Variants in RAMP1 observed in about 807,000 individuals in gnomAD.
The protein encoded by RAMP1 is receptor activity modifying protein 1.
RAMP1 carries 7 observed loss-of-function variants against 8.2 expected under a neutral mutation model. That is an observed-to-expected ratio of 0.85 (90% CI 0.49 to 1.60). The LOEUF (loss-of-function observed/expected upper bound fraction) is 1.60, where lower values mean the gene tolerates loss of function less well. Ranked by LOEUF, RAMP1 falls within the 40% of genes most tolerant of loss-of-function variation. The pLI, the probability that RAMP1 is intolerant of heterozygous loss-of-function variation, is 0.00. For missense variants in RAMP1, 192 were observed against 202.4 expected (o/e 0.95, Z 0.31); for synonymous variants, 92 against 84.7 (o/e 1.09, Z -0.47).
At chr2:237,892,784 C>T (rs2062499834) in intron 2 of RAMP1, among the ~76,000 whole-genome samples, 1 of 151,862 alleles carries the variant, frequency 6.6e-6, no homozygotes, top group East Asian at 1.9e-4. Context: ...CCCTCCCCCA[C>T]TTCTTCCTTC....
chr2:237,892,510 T>C (rs969050528), intron 2 of RAMP1, among the ~76,000 whole-genome samples: 1 of 152,198 alleles, frequency 6.6e-6, no homozygotes, highest in African/African-American at 2.4e-5. Flanking sequence ...TCCTCCCATG[T>C]TGGCCTCTCA....
chr2:237,898,462 C>T (rs1037646132), intron 2 of RAMP1, among the ~76,000 whole-genome samples: 1 of 152,168 alleles, frequency 6.6e-6, no homozygotes, highest in Admixed American at 6.5e-5. Flanking sequence ...GCTGCCAGTC[C>T]CAGGGGGATG....
At chr2:237,883,555 C>G (rs2062394007) in intron 2 of RAMP1, among the ~76,000 whole-genome samples, 1 of 152,164 alleles carries the variant, frequency 6.6e-6, no homozygotes, top group African/African-American at 2.4e-5. Context: ...GTGGCTTTCG[C>G]CTGTAATCCC....
At chr2:237,890,454 G>A (rs302677) in intron 2 of RAMP1, among the ~76,000 whole-genome samples, 20,697 of 151,784 alleles carry the variant, frequency 0.14, 1,512 homozygotes, top group Middle Eastern at 0.27. Flanking sequence ...CACCCGCCTC[G>A]GCCTCCCAAA....
chr2:237,910,360 A>G (rs1358264264), intron 2 of RAMP1, among the ~76,000 whole-genome samples: 2 of 150,110 alleles, frequency 1.3e-5, no homozygotes, highest in Non-Finnish European at 3.0e-5. Flanking sequence ...CACACACACA[A>G]TCACACACAG....
At chr2:237,873,992 G>A (rs1576537705) in intron 1 of RAMP1, among the ~76,000 whole-genome samples, 2 of 152,232 alleles carry the variant, frequency 1.3e-5, no homozygotes, top group African/African-American at 4.8e-5. Context: ...TCCCTAAGGA[G>A]CAAGGGACAA....
At position 237,878,417 on chromosome 2, in the gene RAMP1, T is replaced by G. The variant is rs79024167; in HGVS notation, c.191+1055T>G. ...CCAGACACACCCGGGCACAATTCTG[T>G]GGGGTTGAAGACCCCTAGTTGGACT... On this transcript the variant is annotated intron_variant, in intron 2 of 2. Coordinates refer to ENST00000254661, the MANE Select transcript of RAMP1 (RefSeq NM_005855.4). This position sits in a 1 kb window ranked among gnomAD's most constrained non-coding sequence, Gnocchi z 5.7. Among the ~76,000 whole-genome samples the G allele has an allele frequency of 1.5e-3, 228 of 152,350 alleles. No individual in the cohort carries two copies. The East Asian group carries it at 0.018, about 12-fold the overall frequency.
In RAMP1 at chr2:237,895,614, C is replaced by T. The variant is rs555893767; in HGVS notation, c.192-15914C>T. Among the ~76,000 whole-genome samples the T allele has an allele frequency of 1.6e-4, 24 of 152,192 alleles. 1 individual carries two copies. The East Asian group carries it at 3.1e-3, about 20-fold the overall frequency. On this transcript the variant is annotated intron_variant, in intron 2 of 2. Coordinates refer to ENST00000254661, the MANE Select transcript of RAMP1 (RefSeq NM_005855.4). ...GGGACCAGCATGGTGCAGGGCGCCC[C>T]GTGGGTGGGCAGGATGGGTCGCTGA... is the stretch of plus-strand genomic sequence containing the variant.
chr2:237,910,506 CACAATT>C lies in RAMP1; in HGVS notation c.192-1018_192-1013del, dbSNP rs1439995233. ...CCACACACAGTCACACACAGAATAA[CACAATT>C]ACATATACATAGTCACACACACAGT... On this transcript the variant is annotated intron_variant, in intron 2 of 2. Coordinates refer to ENST00000254661, the MANE Select transcript of RAMP1 (RefSeq NM_005855.4). Among the ~76,000 whole-genome samples the C allele has an allele frequency of 8.6e-5, 13 of 151,686 alleles. No individual in the cohort carries two copies. In the East Asian group the frequency reaches 2.5e-3, roughly 30 times the overall value.
At chr2:237,908,393 C>T (rs2062673910) in intron 2 of RAMP1, among the ~76,000 whole-genome samples, 1 of 99,520 alleles carries the variant, frequency 1.0e-5, no homozygotes, top group Non-Finnish European at 2.3e-5. Context: ...TGTCCCTTCC[C>T]CAGTGAGAAG....
At chr2:237,871,472 G>A (rs2062244448) in intron 1 of RAMP1, among the ~76,000 whole-genome samples, 1 of 152,184 alleles carries the variant, frequency 6.6e-6, no homozygotes, top group African/African-American at 2.4e-5. Context: ...CGGGGACAGA[G>A]GCCTCGCAAC....
chr2:237,902,578 C>T (rs567007683), intron 2 of RAMP1, among the ~76,000 whole-genome samples: 8 of 152,216 alleles, frequency 5.3e-5, no homozygotes, highest in South Asian at 4.1e-4. Flanking sequence ...AGTTGGGTCC[C>T]GCGGGGCCCC....
At chr2:237,872,525 GA>G (rs1461895816) in intron 1 of RAMP1, among the ~76,000 whole-genome samples, 8 of 152,200 alleles carry the variant, frequency 5.3e-5, no homozygotes, top group African/African-American at 1.9e-4. Flanking sequence ...AGCCTCCACA[GA>G]CATGGGTCAC....
At chr2:237,873,717 G>A in intron 1 of RAMP1, among the ~76,000 whole-genome samples, 1 of 152,222 alleles carries the variant, frequency 6.6e-6, no homozygotes. Context: ...ACAGAGGAAT[G>A]GAACCCATTT....
chr2:237,902,927 T>C (rs1227018038), intron 2 of RAMP1, among the ~76,000 whole-genome samples: 6 of 152,248 alleles, frequency 3.9e-5, no homozygotes, highest in African/African-American at 1.4e-4. Context: ...ATCACTCCTG[T>C]GACATTCTGC....
intron 1 of RAMP1, chr2:237,874,726 G>A: frequency 1.0e-6 from 1 of 977,934 alleles, no homozygotes; most frequent in Non-Finnish European, 1.2e-6. Context: ...CTTATTTGCT[G>A]GCTCATTTGA....
chr2:237,895,583 C>T (rs6740741), intron 2 of RAMP1, among the ~76,000 whole-genome samples: 68,396 of 151,978 alleles, frequency 0.45, 15,816 homozygotes, highest in East Asian at 0.57. Context: ...GTGGGATGCC[C>T]GAACAGGGAC....
chr2:237,886,831 C>T lies in RAMP1; in HGVS notation c.191+9469C>T, dbSNP rs60470436. Among the ~76,000 whole-genome samples the T allele has an allele frequency of 5.3e-5, 8 of 152,260 alleles. 1 individual carries two copies. The East Asian group carries it at 5.8e-4, about 11-fold the overall frequency. On this transcript the variant is annotated intron_variant, in intron 2 of 2. Transcript: ENST00000254661. ...GCGTCAACGCGAAAGGTCAGACATG[C>T]GGTGACGCTAACCAGATCCCGGCAG... is the stretch of plus-strand genomic sequence containing the variant.
Position 237,877,128 on chromosome 2 carries a change from T to C in RAMP1, c.53-96T>C. 1 of 1,538,168 alleles carries C rather than the reference T, an allele frequency of 6.5e-7. No individual in the cohort carries two copies. Reference sequence around the variant, plus strand: ...CAGGGGTTGCTTAGAGGCCCCGTTCTCGTGGAGTCCGGGCTGCAGGGGCGC... The same window carrying C: ...CAGGGGTTGCTTAGAGGCCCCGTTCCCGTGGAGTCCGGGCTGCAGGGGCGC... On this transcript the variant is annotated intron_variant, in intron 1 of 2. Transcript: ENST00000254661. The surrounding 1 kb of genome is among the most constrained non-coding windows in gnomAD (Gnocchi z 4.4).
Sources: allele counts gnomAD v4.1 joint callset (sites outside exome capture counted in the v4.1 genomes callset), GRCh38; gene constraint gnomAD v4.1.1; non-coding constraint Gnocchi (gnomAD v3.1); transcripts MANE v1.5; gene names NCBI Gene and HGNC (gene_info 2026-07-23, HGNC 2026-07-21).